FRMPD1: variants seen among roughly 807,000 people sequenced by gnomAD.
The protein encoded by FRMPD1 is FERM and PDZ domain containing 1.
A neutral mutation model predicts 117.8 loss-of-function variants in FRMPD1; 76 were observed. The observed-to-expected ratio is 0.65, with a 90% confidence interval of 0.54 to 0.78. The LOEUF (loss-of-function observed/expected upper bound fraction) is 0.78. Ranked by LOEUF, FRMPD1 falls within the 30% of genes least tolerant of loss-of-function variation. The pLI, the probability that FRMPD1 is intolerant of heterozygous loss-of-function variation, is 0.00. For missense variants in FRMPD1, 1,786 were observed against 1,964.5 expected (o/e 0.91, Z 1.72); for synonymous variants, 783 against 770.4 (o/e 1.02, Z -0.27).
At chr9:37,682,569 G>T (rs1353719002) in intron 1 of FRMPD1, among the ~76,000 whole-genome samples, 1 of 152,216 alleles carries the variant, frequency 6.6e-6, no homozygotes, top group African/African-American at 2.4e-5. Context: ...AGGAAACCAG[G>T]TCTCCTAATA....
the FRMPD1 span, among the ~76,000 whole-genome samples, chr9:37,627,064 A>G: frequency 9.4e-4 from 134 of 142,696 alleles, 1 homozygote; most frequent in Admixed American, 7.9e-4. Flanking sequence ...TTGCTGACTC[A>G]GGTTTTCCTG....
At chr9:37,677,981 T>C (rs1002662988) in intron 1 of FRMPD1, among the ~76,000 whole-genome samples, 8 of 152,172 alleles carry the variant, frequency 5.3e-5, no homozygotes, top group African/African-American at 1.9e-4. Context: ...TTGATGATCA[T>C]TGAGTGTTTC....
chr9:37,637,930 T>G, the FRMPD1 span, among the ~76,000 whole-genome samples: 1 of 151,056 alleles, frequency 6.6e-6, no homozygotes, highest in Non-Finnish European at 1.5e-5. Flanking sequence ...AACGGTGGGA[T>G]TTTAATTCTG....
At chr9:37,653,926 A>C (rs1171899538) in intron 1 of FRMPD1, among the ~76,000 whole-genome samples, 1 of 152,110 alleles carries the variant, frequency 6.6e-6, no homozygotes, top group Admixed American at 6.5e-5. Flanking sequence ...AGGCCACTGC[A>C]CTCCAGCCCG....
intron 14 of FRMPD1, among the ~76,000 whole-genome samples, chr9:37,737,771 C>T (rs1032836338): frequency 6.0e-5 from 9 of 149,042 alleles, no homozygotes; most frequent in Non-Finnish European, 1.2e-4. Context: ...TGCAGTGAGC[C>T]GAGATCGTGC....
the FRMPD1 span, among the ~76,000 whole-genome samples, chr9:37,644,226 G>A: frequency 6.6e-6 from 1 of 152,202 alleles, no homozygotes; most frequent in African/African-American, 2.4e-5. Context: ...TTTGCAGGAA[G>A]TGGGCAGGGA....
rs1159010692 is a variant in FRMPD1 at position 37,733,925 on chromosome 9, T to A, written c.1218+100T>A. On this transcript the variant is annotated intron_variant, in intron 12 of 15. Transcript: ENST00000377765. ...TAGCCTAAAATTCCTGAGGACTCTG[T>A]CATGTACTAGAATTTGTCTGGTAAA... The A allele has an allele frequency of 4.0e-6, 3 of 752,920 alleles. No individual in the cohort carries two copies. The African/African-American group carries it at 5.3e-5, about 13-fold the overall frequency. The allele number at this position is 752,920 out of a possible 1,614,324, so 46.6% of individuals were successfully genotyped here.
At chr9:37,741,147 G>A (rs1243290633) in intron 15 of FRMPD1, among the ~76,000 whole-genome samples, 1 of 152,046 alleles carries the variant, frequency 6.6e-6, no homozygotes, top group Non-Finnish European at 1.5e-5. Context: ...CAGAAGAGGG[G>A]GCAAATGGGC....
intron 8 of FRMPD1, 77 bp from the exon 9 acceptor site, chr9:37,730,907 T>TA: frequency 1.4e-6 from 2 of 1,447,840 alleles, no homozygotes; most frequent in Non-Finnish European, 1.9e-6. Flanking sequence ...GTCTGTGTTT[T>TA]ATAGAGTGGT....
chr9:37,617,345 G>T, the FRMPD1 span, among the ~76,000 whole-genome samples: 1 of 152,324 alleles, frequency 6.6e-6, no homozygotes, highest in East Asian at 1.9e-4. Flanking sequence ...AGAGAGCGTT[G>T]CATTCAGTAC....
chr9:37,736,858 AGT>A (rs60521691), intron 13 of FRMPD1, among the ~76,000 whole-genome samples: 18,357 of 147,660 alleles, frequency 0.12, 1,296 homozygotes, highest in East Asian at 0.33. Flanking sequence ...AGTGCGTGAG[AGT>A]GTGTGTGTGT....
chr9:37,725,909 G>A (rs1823598031), intron 7 of FRMPD1, among the ~76,000 whole-genome samples: 1 of 152,202 alleles, frequency 6.6e-6, no homozygotes, highest in Admixed American at 6.5e-5. Context: ...CTTTGCAAAT[G>A]GATTAGACAA....
intron 15 of FRMPD1, among the ~76,000 whole-genome samples, chr9:37,741,635 C>A (rs1301048720): frequency 6.6e-6 from 1 of 152,182 alleles, no homozygotes; most frequent in Non-Finnish European, 1.5e-5. Flanking sequence ...CTCCTGTGCT[C>A]TCCCACTGTT....
At chr9:37,659,459 T>C (rs993592794) in intron 1 of FRMPD1, among the ~76,000 whole-genome samples, 6 of 152,178 alleles carry the variant, frequency 3.9e-5, no homozygotes, top group African/African-American at 1.4e-4. Context: ...TACCCTCATT[T>C]CCACCAGCAT....
At position 37,740,156 on chromosome 9, in the gene FRMPD1, G is replaced by A. The variant is rs573473533; in HGVS notation, c.1628G>A (p.Arg543His). 9.6e-5 allele frequency: 155 copies of A among 1,613,908 alleles called. 1 individual carries two copies. The Middle Eastern group carries it at 1.2e-3, about 12-fold the overall frequency. Residue 543 changes from arginine to histidine, a missense_variant, in exon 15 of 16, where the codon CGC becomes CAC. Physicochemically the swap from Arg to His is conservative, Grantham distance 29. Transcript: ENST00000377765. The surrounding 1 kb of genome is among the most constrained non-coding windows in gnomAD (Gnocchi z 4.2). The stretch of plus-strand genomic sequence containing the variant: ...GTACTCGAACCTCTCTCTGACAGGC[G>A]CCTGGTGAAACTGGCACCCTGCAGA... ...DCVLEPLSDR[R>H]LVKLAPCRSL...
At chr9:37,605,634 G>A in the FRMPD1 span, among the ~76,000 whole-genome samples, 1 of 152,154 alleles carries the variant, frequency 6.6e-6, no homozygotes, top group African/African-American at 2.4e-5. Flanking sequence ...GTCCTGGTTT[G>A]TACAGCAGAT....
chr9:37,647,375 G>A (rs888484003), upstream of FRMPD1, among the ~76,000 whole-genome samples: 32 of 151,970 alleles, frequency 2.1e-4, no homozygotes, highest in Middle Eastern at 6.8e-3. Flanking sequence ...AACCGGGCGG[G>A]GTGGCGGGCA....
chr9:37,736,210 C>A (rs1341647764), intron 13 of FRMPD1, among the ~76,000 whole-genome samples: 1 of 151,798 alleles, frequency 6.6e-6, no homozygotes, highest in Non-Finnish European at 1.5e-5. Flanking sequence ...ACTGTGTTAG[C>A]CAGGATGGTC....
intron 1 of FRMPD1, among the ~76,000 whole-genome samples, chr9:37,683,558 A>T (rs1310219023): frequency 6.6e-6 from 1 of 152,210 alleles, no homozygotes; most frequent in East Asian, 1.9e-4. Context: ...GCAGGCAGGG[A>T]GTATGGACTA....
Sources: allele counts gnomAD v4.1 joint callset (sites outside exome capture counted in the v4.1 genomes callset), GRCh38; gene constraint gnomAD v4.1.1; non-coding constraint Gnocchi (gnomAD v3.1); transcripts MANE v1.5; gene names NCBI Gene and HGNC (gene_info 2026-07-23, HGNC 2026-07-21).